The following GTPBP6 variants were observed in gnomAD, a reference collection of about 807,000 sequenced individuals.
The protein encoded by GTPBP6 is putative GTP-binding protein 6.
In GTPBP6, 33 loss-of-function variants were observed where a neutral mutation model predicts 28.9. The ratio of observed to expected loss-of-function variants is 1.14; its 90% CI spans 0.87 to 1.53. The LOEUF is 1.53. Ranked by LOEUF, GTPBP6 falls within the 40% of genes most tolerant of loss-of-function variation. The probability of loss-of-function intolerance (pLI) is 0.00; values close to 1 mark genes in which losing one functional copy is unlikely to be tolerated. For synonymous variants in GTPBP6, 231 were observed against 192.7 expected (o/e 1.20, Z -1.65); for missense variants, 507 against 408.3 (o/e 1.24, Z -2.08).
chrX:307,293 C>G (rs1410823461), intron 9 of GTPBP6, 67 bp downstream of exon 9: 1 of 1,494,778 alleles, frequency 6.7e-7, no homozygotes, highest in Non-Finnish European at 9.2e-7. Context: ...CCACGAAGAG[C>G]CCGTTTCAGA....
exon 10 of GTPBP6, chrX:304,977 T>G (rs1045949489): frequency 2.7e-5 from 42 of 1,539,340 alleles, no homozygotes; most frequent in Non-Finnish European, 3.6e-5. Context: ...AGGAGGACCC[T>G]GCTGCACCTG....
Position 305,306 on chromosome X carries a change from A to T in GTPBP6, c.1428-109T>A, listed in dbSNP as rs989448625. 1.7e-5 allele frequency: 14 copies of T among 826,730 alleles called. No homozygotes were observed. In the African/African-American group the frequency reaches 2.5e-4, roughly 15 times the overall value. 51.2% of individuals were successfully genotyped at this position (826,730 alleles called of 1,614,324 possible). ...GAGCTTAGCTCAAACCATTCATCAG[A>T]CCGTCCTGTTTCCTTTTGTTTTTTT... is the stretch of plus-strand genomic sequence containing the variant. On this transcript the variant is annotated intron_variant, in intron 9 of 9. Transcript: ENST00000326153.
At chrX:314,855 G>T in intron 4 of GTPBP6, 35 bp downstream of exon 4, 2 of 399,786 alleles carry the variant, frequency 5.0e-6, no homozygotes, top group Non-Finnish European at 8.8e-6. Flanking sequence ...GGGAGTGGAC[G>T]TGACGCTCGG....
chrX:310,137 T>C (rs1462501251), intron 7 of GTPBP6, among the ~76,000 whole-genome samples: 5 of 136,320 alleles, frequency 3.7e-5, no homozygotes, highest in African/African-American at 1.4e-4. Flanking sequence ...GTCCATGTAT[T>C]GATCATCTGG....
At chrX:317,336 G>A (rs1482037814) in intron 1 of GTPBP6, among the ~76,000 whole-genome samples, 2 of 134,992 alleles carry the variant, frequency 1.5e-5, no homozygotes, top group African/African-American at 7.2e-5. Flanking sequence ...GGGTGCTCAG[G>A]GGATTACTGA....
In GTPBP6 at chrX:306,827, G is replaced by A. The variant is rs368972312; in HGVS notation, c.1427+533C>T. Among the ~76,000 whole-genome samples the A allele has an allele frequency of 1.6e-4, 24 of 147,942 alleles. 1 individual carries two copies. Among genetic ancestry groups the A allele is most frequent in the African/African-American group, 5.8e-4 (22 of 37,954 alleles). On this transcript the variant is annotated intron_variant, in intron 9 of 9. Transcript: ENST00000326153. Reference sequence around the variant, plus strand: ...TAGGCACCTGTTGTATCCACAGTCAGAAATGTATATTTTGAGTGTCAGCAC... The same window carrying A: ...TAGGCACCTGTTGTATCCACAGTCAAAAATGTATATTTTGAGTGTCAGCAC...
chrX:313,827 TCA>T (rs2070366092), intron 5 of GTPBP6, among the ~76,000 whole-genome samples: 1 of 152,148 alleles, frequency 6.6e-6, no homozygotes, highest in African/African-American at 2.4e-5. Context: ...CACCTTGATC[TCA>T]GAGTTTTGGT....
intron 9 of GTPBP6, among the ~76,000 whole-genome samples, chrX:306,180 C>T (rs1021200144): frequency 1.1e-4 from 17 of 152,208 alleles, no homozygotes; most frequent in African/African-American, 3.9e-4. Context: ...AGATTAGGCA[C>T]CTGTTGTATG....
At chrX:306,063 T>C (rs770202193) in intron 9 of GTPBP6, among the ~76,000 whole-genome samples, 220 of 152,360 alleles carry the variant, frequency 1.4e-3, no homozygotes, top group African/African-American at 5.0e-3. Flanking sequence ...GGCATCCAGC[T>C]GGAGCTTGCT....
At position 314,138 on chromosome X, in the gene GTPBP6, G is replaced by T; in HGVS notation, c.757+12C>A. The T allele has an allele frequency of 6.2e-7, 1 of 1,606,168 alleles. No homozygotes were observed. The highest frequency in any genetic ancestry group is 1.4e-5 in the African/African-American group (1 of 71,928). On this transcript the variant is annotated intron_variant, in intron 5 of 9. Transcript: ENST00000326153. ...GAGGACCCTCTGGGACGCCGCGCCC[G>T]GCCCGAGTTACCTGACCCCATGATG...
chrX:317,203 C>T (rs1401265881), intron 1 of GTPBP6, among the ~76,000 whole-genome samples, 152 bp from the exon 2 acceptor site: 1 of 152,186 alleles, frequency 6.6e-6, no homozygotes, highest in East Asian at 1.9e-4. Flanking sequence ...TTCGTCCCCC[C>T]AGGGCCTCTA....
intron 7 of GTPBP6, 82 bp from the exon 8 acceptor site, chrX:307,962 T>C: frequency 2.4e-6 from 3 of 1,233,752 alleles, no homozygotes; most frequent in African/African-American, 1.5e-5. Context: ...GGAGAGGGGC[T>C]CACACGAGCT....
intron 2 of GTPBP6, among the ~76,000 whole-genome samples, chrX:315,685 TACAC>T (rs1276889529): frequency 8.6e-4 from 2 of 2,316 alleles, no homozygotes; most frequent in African/African-American, 2.4e-3. Context: ...CACAAACACA[TACAC>T]ACACACACAC....
intron 5 of GTPBP6, 22 bp from the exon 6 acceptor site, chrX:312,946 G>C (rs762649867): frequency 6.2e-7 from 1 of 1,601,728 alleles, no homozygotes; most frequent in Admixed American, 1.7e-5. Context: ...CCGAGATGGT[G>C]AGGCGGTGAG....
chrX:312,605 C>A (rs1280163900), intron 6 of GTPBP6, 161 bp downstream of exon 6: 3 of 768,016 alleles, frequency 3.9e-6, no homozygotes, highest in East Asian at 2.7e-5. Flanking sequence ...AGCTGGTGTA[C>A]CCCACACGGC....
intron 1 of GTPBP6, among the ~76,000 whole-genome samples, chrX:317,421 T>A (rs2070457703): frequency 6.6e-6 from 1 of 152,020 alleles, no homozygotes; most frequent in Non-Finnish European, 1.5e-5. Context: ...GGGCTTCATC[T>A]GTTCCAGGAA....
chrX:318,194 C>T (rs1223757923), intron 1 of GTPBP6, among the ~76,000 whole-genome samples: 1 of 150,538 alleles, frequency 6.6e-6, no homozygotes, highest in Non-Finnish European at 1.5e-5. Flanking sequence ...CCTTGCATCG[C>T]CAGCTATGAT....
intron 2 of GTPBP6, among the ~76,000 whole-genome samples, chrX:316,549 C>G (rs7198554): frequency 0.62 from 94,419 of 151,886 alleles, 30,160 homozygotes; most frequent in Non-Finnish European, 0.7. Context: ...CTGGACCCCA[C>G]CCTAAGAGAC....
chrX:314,443 C>A (rs756104130), intron 4 of GTPBP6, among the ~76,000 whole-genome samples: 1 of 151,846 alleles, frequency 6.6e-6, no homozygotes, highest in African/African-American at 2.4e-5. Context: ...GGGCAACGGG[C>A]CCCGGAGAGA....
Sources: gnomAD v4.1 joint callset for allele counts (sites outside exome capture counted in the v4.1 genomes callset) on GRCh38, gnomAD v4.1.1 for gene constraint, MANE v1.5 for transcripts, NCBI Gene and HGNC (gene_info 2026-07-23, HGNC 2026-07-21) for gene names.